Variants in KCNIP4 observed in about 807,000 individuals in gnomAD.
The protein encoded by KCNIP4 is Kv channel-interacting protein 4.
In KCNIP4, 12 loss-of-function variants were observed where a neutral mutation model predicts 34.0. That is an observed-to-expected ratio of 0.35 (90% confidence interval 0.23 to 0.57). KCNIP4 has a LOEUF of 0.57. Among genes scored for constraint, KCNIP4 ranks in the 20% least tolerant of loss-of-function variants. The probability of loss-of-function intolerance (pLI) is 0.83; values close to 1 mark genes in which losing one functional copy is unlikely to be tolerated. For missense variants in KCNIP4, 238 were observed against 311.7 expected (o/e 0.76, Z 1.78); for synonymous variants, 124 against 102.2 (o/e 1.21, Z -1.29).
At chr4:21,795,431 A>C (rs540439883) in intron 1 of KCNIP4, among the ~76,000 whole-genome samples, 1 of 152,302 alleles carries the variant, frequency 6.6e-6, no homozygotes, top group East Asian at 1.9e-4. Context: ...TCTCAAAGGG[A>C]AAGCTGCCTG....
intron 1 of KCNIP4, among the ~76,000 whole-genome samples, chr4:21,102,271 T>C (rs1748016742): frequency 1.3e-5 from 2 of 152,278 alleles, no homozygotes; most frequent in African/African-American, 4.8e-5. Flanking sequence ...TGACTGGTGA[T>C]CAGTAGATGC....
chr4:20,860,490 C>T (rs1722080653), intron 2 of KCNIP4, among the ~76,000 whole-genome samples: 1 of 152,132 alleles, frequency 6.6e-6, no homozygotes, highest in South Asian at 2.1e-4. Flanking sequence ...ATCCATTTGT[C>T]ATTCTAAAAA....
intron 1 of KCNIP4, among the ~76,000 whole-genome samples, chr4:21,937,478 C>G (rs1460468984): frequency 6.6e-6 from 1 of 152,060 alleles, no homozygotes; most frequent in Non-Finnish European, 1.5e-5. Flanking sequence ...CACAGCTATG[C>G]AAAATTAATT....
intron 1 of KCNIP4, among the ~76,000 whole-genome samples, chr4:21,251,100 G>T (rs114117142): frequency 7.9e-5 from 12 of 151,890 alleles, no homozygotes; most frequent in African/African-American, 2.9e-4. Flanking sequence ...TGGGGAATGC[G>T]TTTAAACGAA....
At chr4:20,906,434 A>C (rs928514907) in intron 1 of KCNIP4, among the ~76,000 whole-genome samples, 6 of 152,186 alleles carry the variant, frequency 3.9e-5, no homozygotes, top group African/African-American at 1.4e-4. Context: ...GCCTAGTTCT[A>C]ACGAAAAAGC....
chr4:20,818,057 G>A (rs1376168648), intron 3 of KCNIP4, among the ~76,000 whole-genome samples: 1 of 152,188 alleles, frequency 6.6e-6, no homozygotes, highest in Non-Finnish European at 1.5e-5. Context: ...GTTGTGCACT[G>A]TAAATTGGGT....
chr4:21,837,640 A>T (rs1217951613), intron 1 of KCNIP4, among the ~76,000 whole-genome samples: 1 of 151,862 alleles, frequency 6.6e-6, no homozygotes, highest in East Asian at 1.9e-4. Flanking sequence ...GGGTTTCCAT[A>T]GGCTGTTTCT....
intron 8 of KCNIP4, chr4:20,731,352 T>C: frequency 1.0e-6 from 1 of 976,854 alleles, no homozygotes; most frequent in Non-Finnish European, 1.2e-6. Flanking sequence ...GGGATTACAG[T>C]TGTGAGCTAC....
At chr4:21,303,750 G>T in intron 1 of KCNIP4, 1 of 1,400,920 alleles carries the variant, frequency 7.1e-7, no homozygotes, top group Non-Finnish European at 1.0e-6. Flanking sequence ...ATTCACCTAA[G>T]ACATTTTCAT....
intron 3 of KCNIP4, among the ~76,000 whole-genome samples, chr4:20,768,817 T>C (rs920588724): frequency 2.6e-5 from 4 of 152,080 alleles, no homozygotes; most frequent in Admixed American, 6.6e-5. Flanking sequence ...AGTGGTTAAA[T>C]AGGCACTGCA....
chr4:21,903,540 T>C (rs1336714105), intron 1 of KCNIP4, among the ~76,000 whole-genome samples: 1 of 152,172 alleles, frequency 6.6e-6, no homozygotes, highest in Non-Finnish European at 1.5e-5. Flanking sequence ...TTAGGAAGAC[T>C]ACAGGCACTG....
At chr4:20,919,118 A>G (rs371354997) in intron 1 of KCNIP4, among the ~76,000 whole-genome samples, 1 of 152,234 alleles carries the variant, frequency 6.6e-6, no homozygotes, top group South Asian at 2.1e-4. Context: ...TATAATAGTT[A>G]TAACAGCAAC....
At chr4:21,085,302 A>T (rs1440531317) in intron 1 of KCNIP4, among the ~76,000 whole-genome samples, 2 of 152,056 alleles carry the variant, frequency 1.3e-5, no homozygotes, top group Non-Finnish European at 2.9e-5. Context: ...TTGAAAACCC[A>T]ATCATATTGG....
At chr4:21,531,371 T>TCCCTC (rs1736674038) in intron 1 of KCNIP4, among the ~76,000 whole-genome samples, 2 of 37,506 alleles carry the variant, frequency 5.3e-5, no homozygotes, top group African/African-American at 1.1e-4. Context: ...CTCCCTCCCT[T>TCCCTC]CCTTCCTTCC....
rs570727191 is a variant in KCNIP4 at position 21,620,988 on chromosome 4, C to A, written c.61+327583G>T. ...TGACTCCAGTGGTTTAACTAACAAC[C>A]TTCCTACTTTTTCTTCTTATAGAGA... On this transcript the variant is annotated intron_variant, in intron 1 of 8. Coordinates refer to ENST00000382152, the MANE Select transcript of KCNIP4 (RefSeq NM_025221.6). Among the ~76,000 whole-genome samples the A allele has an allele frequency of 2.6e-5, 4 of 152,266 alleles. No homozygotes were observed. The South Asian group carries it at 6.2e-4, about 24-fold the overall frequency.
chr4:21,051,119 GT>G (rs2108947332), intron 1 of KCNIP4, among the ~76,000 whole-genome samples: 2 of 152,348 alleles, frequency 1.3e-5, no homozygotes, highest in South Asian at 4.1e-4. Flanking sequence ...CTGAGCCCAT[GT>G]TTTATTCATG....
chr4:21,535,779 C>T (rs1243657417), intron 1 of KCNIP4, among the ~76,000 whole-genome samples: 1 of 152,142 alleles, frequency 6.6e-6, no homozygotes, highest in Non-Finnish European at 1.5e-5. Context: ...TTCTTCATTA[C>T]TCTGACTACA....
In KCNIP4 at chr4:21,085,320, A is replaced by T. The variant is rs541883442; in HGVS notation, c.62-202611T>A. Among the ~76,000 whole-genome samples the T allele has an allele frequency of 5.3e-5, 8 of 152,122 alleles. No individual in the cohort carries two copies. In the South Asian group the frequency reaches 1.7e-3, roughly 32 times the overall value. On this transcript the variant is annotated intron_variant, in intron 1 of 8. Transcript: ENST00000382152. ...AAAACCCAATCATATTGGCACCCCGATCTCACACTTCCAGGCACCAAACCT... is the reference window on the plus strand; with the variant it reads ...AAAACCCAATCATATTGGCACCCCGTTCTCACACTTCCAGGCACCAAACCT...
intron 1 of KCNIP4, among the ~76,000 whole-genome samples, chr4:20,995,984 T>A (rs936815430): frequency 6.6e-6 from 1 of 152,120 alleles, no homozygotes; most frequent in African/African-American, 2.4e-5. Flanking sequence ...AGTAAGAAAG[T>A]GGAAGGGTGA....
Sources: gnomAD v4.1 joint callset for allele counts (sites outside exome capture counted in the v4.1 genomes callset) on GRCh38, gnomAD v4.1.1 for gene constraint, MANE v1.5 for transcripts, NCBI Gene and HGNC (gene_info 2026-07-23, HGNC 2026-07-21) for gene names.